The following UBN2 variants were observed in gnomAD, a reference collection of about 807,000 sequenced individuals.
UBN2 encodes ubinuclein-2.
UBN2 carries 35 observed loss-of-function variants against 120.2 expected under a neutral mutation model. The ratio of observed to expected loss-of-function variants is 0.29; its 90% CI spans 0.22 to 0.39. UBN2 has a LOEUF of 0.39. Ranked by LOEUF, UBN2 falls within the 10% of genes least tolerant of loss-of-function variation. The pLI, the probability that UBN2 is intolerant of heterozygous loss-of-function variation, is 1.00. For missense variants in UBN2, 1,693 were observed against 1,663.2 expected (o/e 1.02, Z -0.31); for synonymous variants, 661 against 648.7 (o/e 1.02, Z -0.29).
At chr7:139,287,781 G>A (rs961696642) in intron 15 of UBN2, among the ~76,000 whole-genome samples, 7 of 150,316 alleles carry the variant, frequency 4.7e-5, no homozygotes, top group South Asian at 2.1e-4. Flanking sequence ...TTAACATAGC[G>A]TCTCAATAAA....
At chr7:139,275,354 A>C (rs1431381139) in intron 11 of UBN2, among the ~76,000 whole-genome samples, 1 of 148,158 alleles carries the variant, frequency 6.7e-6, no homozygotes, top group Non-Finnish European at 1.5e-5. Context: ...GAGGCCAAGG[A>C]GGGTGGATCA....
At chr7:139,282,137 G>T (rs1423465310) in intron 14 of UBN2, 82 bp downstream of exon 14, 2 of 1,265,068 alleles carry the variant, frequency 1.6e-6, no homozygotes, top group East Asian at 2.3e-5. Flanking sequence ...TAATTGAAGA[G>T]ACTTTGATAC....
intron 8 of UBN2, among the ~76,000 whole-genome samples, chr7:139,270,502 C>T (rs1304890441): frequency 6.6e-6 from 1 of 152,054 alleles, no homozygotes; most frequent in East Asian, 1.9e-4. Flanking sequence ...CTCCTGACCT[C>T]AGGTGATCCG....
In UBN2 at chr7:139,284,503, A is replaced by G; in HGVS notation, c.3598A>G (p.Thr1200Ala). The stretch of plus-strand genomic sequence containing the variant: ...AACAGGAAGTGGAACACAGGGTGCT[A>G]CCAAACCATTGTCTACTCCACATAG... ...GGTGSGTQGA[T>A]KPLSTPHRPS... Residue 1200 changes from threonine (T) to alanine (A), a missense_variant, in exon 15 of 18, where the codon ACC (threonine) becomes GCC (alanine). By Grantham distance (58) the Thr-to-Ala change is moderately conservative. Coordinates refer to ENST00000473989, the MANE Select transcript of UBN2 (RefSeq NM_173569.4). 5 of 1,614,140 alleles carry G rather than the reference A, an allele frequency of 3.1e-6. No homozygotes were observed. Among genetic ancestry groups the G allele is most frequent in the Non-Finnish European group, 4.2e-6 (5 of 1,180,028 alleles).
the UBN2 span, among the ~76,000 whole-genome samples, chr7:139,321,702 G>A: frequency 3.9e-5 from 6 of 152,128 alleles, no homozygotes; most frequent in Non-Finnish European, 7.4e-5. Context: ...TCTCCAGAAC[G>A]CACGAGAAAA....
rs1017196027 is a variant in UBN2, at chr7:139,277,329, C to CT, written c.2024+1185dup. The CT allele has an allele frequency of 3.0e-4, 46 of 152,220 alleles. 1 individual carries two copies. The allele number at this position is 152,220 out of a possible 1,614,324, so 9.4% of individuals were successfully genotyped here. On this transcript the variant is annotated intron_variant, in intron 12 of 17. Coordinates refer to ENST00000473989, the MANE Select transcript of UBN2 (RefSeq NM_173569.4). ...CACACAGTCAGAAATCCATGTGTAA[C>CT]TTTCAGCTCTCCCAGAACTTCACTG...
downstream of UBN2, among the ~76,000 whole-genome samples, chr7:139,312,635 C>T (rs374292402): frequency 1.6e-4 from 24 of 152,306 alleles, no homozygotes; most frequent in Middle Eastern, 3.4e-3. Flanking sequence ...TTGTCTGTGA[C>T]ATCCTTTATT....
chr7:139,329,979 A>G, the UBN2 span, among the ~76,000 whole-genome samples: 5 of 152,188 alleles, frequency 3.3e-5, no homozygotes, highest in Non-Finnish European at 7.3e-5. Context: ...CTTTGGGGTC[A>G]GATAGTCCTG....
chr7:139,274,795 T>C (rs1449276584), intron 11 of UBN2, among the ~76,000 whole-genome samples: 1 of 144,300 alleles, frequency 6.9e-6, no homozygotes, highest in Admixed American at 6.9e-5. Flanking sequence ...AAAAAGAAAA[T>C]AGTCAGTGTA....
chr7:139,266,868 TTG>T (rs932946361), intron 7 of UBN2, among the ~76,000 whole-genome samples: 3 of 152,150 alleles, frequency 2.0e-5, no homozygotes, highest in Non-Finnish European at 2.9e-5. Flanking sequence ...TATAAAGAAA[TTG>T]TGGTTGTGAG....
At chr7:139,238,869 C>T (rs1584984254) in intron 2 of UBN2, among the ~76,000 whole-genome samples, 1 of 152,240 alleles carries the variant, frequency 6.6e-6, no homozygotes, top group East Asian at 1.9e-4. Context: ...TATTTAATTA[C>T]AGTGTAATCT....
the UBN2 span, among the ~76,000 whole-genome samples, chr7:139,314,891 C>T: frequency 7.9e-5 from 12 of 152,054 alleles, no homozygotes; most frequent in South Asian, 2.5e-3. Context: ...TCTTCCTTCT[C>T]AATAACTTTT....
the UBN2 span, among the ~76,000 whole-genome samples, chr7:139,330,158 C>T: frequency 6.6e-6 from 1 of 152,154 alleles, no homozygotes; most frequent in African/African-American, 2.4e-5. Context: ...AATTACTTTA[C>T]TTGGAAAAAG....
In UBN2 at chr7:139,283,347, A is replaced by T. The variant is rs139682698; in HGVS notation, c.2442A>T (p.Pro814=). 3 of 1,614,052 alleles carry T rather than the reference A, an allele frequency of 1.9e-6. No individual in the cohort carries two copies. Among genetic ancestry groups the T allele is most frequent in the South Asian group, 1.1e-5 (1 of 91,080 alleles). The change falls in exon 15 of 18, where the codon CCA becomes CCT. Residue 814 remains proline, a synonymous_variant. Transcript: ENST00000473989. ...EKLASIMSKL[P]LATPKKLDST... is the part of the protein sequence containing the mutation. Reference sequence around the variant, plus strand: ...TAGCAAGTATCATGAGTAAGCTGCCACTAGCTACTCCCAAAAAACTAGATT... The same window carrying T: ...TAGCAAGTATCATGAGTAAGCTGCCTCTAGCTACTCCCAAAAAACTAGATT...
chr7:139,267,086 A>C (rs907496920), intron 7 of UBN2, among the ~76,000 whole-genome samples: 13 of 152,244 alleles, frequency 8.5e-5, no homozygotes, highest in Non-Finnish European at 1.5e-4. Context: ...TCCTTGACTT[A>C]GATTTTAACC....
intron 3 of UBN2, among the ~76,000 whole-genome samples, chr7:139,252,292 G>A (rs1416517710): frequency 6.6e-6 from 1 of 150,904 alleles, no homozygotes; most frequent in East Asian, 1.9e-4. Context: ...TGTTAAAATA[G>A]ACCAAGTTTT....
chr7:139,252,618 A>T lies in UBN2; in HGVS notation c.663+561A>T, dbSNP rs138186398. 3.4e-3 allele frequency among the ~76,000 whole-genome samples: 519 copies of T among 152,218 alleles called. 3 individuals are homozygous for T. Among genetic ancestry groups the T allele is most frequent in the African/African-American group, 0.012 (491 of 41,522 alleles). ...GGGCTGGATTTGGCCAGTGCATCTC[A>T]TGGTTTGCTGACTCTGTACAATGTC... is the stretch of plus-strand genomic sequence containing the variant. On this transcript the variant is annotated intron_variant, in intron 3 of 17. Coordinates refer to ENST00000473989, the MANE Select transcript of UBN2 (RefSeq NM_173569.4).
At chr7:139,235,977 G>A (rs1048783821) in intron 1 of UBN2, among the ~76,000 whole-genome samples, 26 of 151,636 alleles carry the variant, frequency 1.7e-4, no homozygotes, top group African/African-American at 6.3e-4. Flanking sequence ...TGCTCTTCAG[G>A]GTCCATTGAA....
chr7:139,311,372 C>G (rs1798445016), downstream of UBN2, among the ~76,000 whole-genome samples: 1 of 152,168 alleles, frequency 6.6e-6, no homozygotes. Context: ...GTGTTTGTCC[C>G]TTCTTCATTT....
Sources: gnomAD v4.1 joint callset for allele counts (sites outside exome capture counted in the v4.1 genomes callset) on GRCh38, gnomAD v4.1.1 for gene constraint, MANE v1.5 for transcripts, NCBI Gene and HGNC (gene_info 2026-07-23, HGNC 2026-07-21) for gene names.